Variants in DSTN observed in about 807,000 individuals in gnomAD.
DSTN encodes the protein destrin, actin depolymerizing factor.
A neutral mutation model predicts 16.8 loss-of-function variants in DSTN; 10 were observed. That is an observed-to-expected ratio of 0.60 (90% CI 0.37 to 1.01). The LOEUF is 1.01. Ranked by LOEUF, DSTN falls within the 50% of genes least tolerant of loss-of-function variation. The pLI, the probability that DSTN is intolerant of heterozygous loss-of-function variation, is 0.01. For missense variants in DSTN, 141 were observed against 196.7 expected, an observed-to-expected ratio of 0.72 and a Z score of 1.69; for synonymous variants, 57 against 58.9, an observed-to-expected ratio of 0.97 and a Z score of 0.14.
intron 1 of DSTN, among the ~76,000 whole-genome samples, chr20:17,595,766 ATTG>A (rs1276949831): frequency 2.0e-5 from 3 of 152,134 alleles, no homozygotes; most frequent in African/African-American, 7.2e-5. Context: ...GTCTCATAGA[ATTG>A]TTGTGATTTA....
chr20:17,571,327 C>G (rs2035204472), intron 1 of DSTN, among the ~76,000 whole-genome samples: 1 of 152,234 alleles, frequency 6.6e-6, no homozygotes, highest in South Asian at 2.1e-4. Context: ...TGCATACAAA[C>G]TGTTTTCACT....
intron 1 of DSTN, among the ~76,000 whole-genome samples, chr20:17,575,588 A>C (rs2035269781): frequency 6.6e-6 from 1 of 152,026 alleles, no homozygotes; most frequent in Non-Finnish European, 1.5e-5. Context: ...CAGCCTCCTG[A>C]GTAGCTGGGA....
At chr20:17,601,255 C>A (rs963371803) in intron 2 of DSTN, among the ~76,000 whole-genome samples, 63 of 140,892 alleles carry the variant, frequency 4.5e-4, no homozygotes, top group Middle Eastern at 7.4e-3. Context: ...TTATGTGACT[C>A]TCCGTTTTTG....
At chr20:17,586,062 G>A (rs1006456152) in intron 1 of DSTN, among the ~76,000 whole-genome samples, 11 of 152,174 alleles carry the variant, frequency 7.2e-5, no homozygotes, top group African/African-American at 2.4e-4. Context: ...GGTCGCCCGA[G>A]AGAGGGTCTC....
chr20:17,577,855 T>G (rs1568730426), intron 1 of DSTN, among the ~76,000 whole-genome samples: 1 of 152,228 alleles, frequency 6.6e-6, no homozygotes, highest in Non-Finnish European at 1.5e-5. Flanking sequence ...AAATTTACAT[T>G]TGAAAAAGTA....
intron 1 of DSTN, among the ~76,000 whole-genome samples, chr20:17,583,946 C>A (rs142202131): frequency 2.0e-5 from 3 of 151,744 alleles, no homozygotes; most frequent in Non-Finnish European, 4.4e-5. Flanking sequence ...ACTATTTTGC[C>A]GAGGTTGGTC....
chr20:17,570,535 C>G (rs967160803), intron 1 of DSTN, among the ~76,000 whole-genome samples: 1 of 152,162 alleles, frequency 6.6e-6, no homozygotes, highest in Non-Finnish European at 1.5e-5. Flanking sequence ...CGCCCCCACC[C>G]GCTCTGTGAA....
intron 1 of DSTN, among the ~76,000 whole-genome samples, chr20:17,579,150 C>T (rs917398089): frequency 2.0e-5 from 3 of 152,180 alleles, no homozygotes; most frequent in Admixed American, 1.3e-4. Flanking sequence ...GACTCTGCCA[C>T]TTGCACTAAC....
chr20:17,601,672 C>T (rs2035588668), intron 2 of DSTN, among the ~76,000 whole-genome samples: 1 of 152,196 alleles, frequency 6.6e-6, no homozygotes, highest in Non-Finnish European at 1.5e-5. Flanking sequence ...AGAACATTTC[C>T]ATCATTGCAG....
chr20:17,584,932 A>G (rs965044645), intron 1 of DSTN, among the ~76,000 whole-genome samples: 2 of 152,338 alleles, frequency 1.3e-5, no homozygotes, highest in South Asian at 2.1e-4. Context: ...TGGATATACT[A>G]TCATTTACTT....
At chr20:17,574,844 C>CTTTTCT (rs1742624343) in intron 1 of DSTN, among the ~76,000 whole-genome samples, 4 of 79,704 alleles carry the variant, frequency 5.0e-5, no homozygotes, top group Admixed American at 1.2e-4. Flanking sequence ...TTTTTTCTTT[C>CTTTTCT]TTTTCTTTTT....
At chr20:17,576,160 A>G (rs1431204434) in intron 1 of DSTN, 2 of 152,348 alleles carry the variant, frequency 1.3e-5, no homozygotes, top group East Asian at 3.8e-4. Flanking sequence ...ACCCCCATTG[A>G]GTTGAATATT....
intron 1 of DSTN, among the ~76,000 whole-genome samples, chr20:17,571,420 G>A (rs1484335277): frequency 6.6e-6 from 1 of 152,206 alleles, no homozygotes; most frequent in Non-Finnish European, 1.5e-5. Context: ...AGATAAACCG[G>A]TAGTTTCTTG....
chr20:17,570,494 C>T (rs1051323676), intron 1 of DSTN, among the ~76,000 whole-genome samples: 1 of 152,212 alleles, frequency 6.6e-6, no homozygotes, highest in African/African-American at 2.4e-5. Context: ...TGTCTCCAGA[C>T]CCGGCCTTGC....
intron 1 of DSTN, among the ~76,000 whole-genome samples, chr20:17,582,806 T>G (rs1012774485): frequency 1.3e-5 from 2 of 152,176 alleles, no homozygotes; most frequent in Non-Finnish European, 2.9e-5. Context: ...TTGTTGGTAG[T>G]TTTCCTGGCC....
chr20:17,576,922 G>A (rs2035285339), intron 1 of DSTN, among the ~76,000 whole-genome samples: 1 of 152,146 alleles, frequency 6.6e-6, no homozygotes, highest in Admixed American at 6.6e-5. Context: ...ATGTACAGGT[G>A]GAGCATCCCT....
chr20:17,589,303 C>T (rs2035445493), intron 1 of DSTN, among the ~76,000 whole-genome samples: 1 of 151,994 alleles, frequency 6.6e-6, no homozygotes, highest in East Asian at 1.9e-4. Flanking sequence ...CTTCGCCTCC[C>T]AGGTTCAAGT....
intron 3 of DSTN, among the ~76,000 whole-genome samples, chr20:17,605,978 C>T (rs1246778269): frequency 6.6e-6 from 1 of 152,056 alleles, no homozygotes; most frequent in African/African-American, 2.4e-5. Context: ...CGTGGTGGCA[C>T]ATGCCTGTAA....
In DSTN at chr20:17,600,957, C is replaced by T. The variant is rs759421994; in HGVS notation, c.223C>T (p.Leu75Phe). 2 of 1,613,968 alleles carry T rather than the reference C, an allele frequency of 1.2e-6. No homozygotes were observed. Among genetic ancestry groups the T allele is most frequent in the South Asian group, 2.2e-5 (2 of 91,056 alleles). ...TCCTTTCAAGCATTTTGTGGGAATG[C>T]TTCCTGAAAAAGATTGTCGCTATGC... The part of the protein sequence containing the change: ...TDPFKHFVGM[L>F]PEKDCRYALY... Residue 75 changes from leucine (L) to phenylalanine (F), a missense_variant, in exon 2 of 4, where the codon CTT (leucine) becomes TTT (phenylalanine). Leu to Phe is a conservative substitution (Grantham distance 22). Transcript: ENST00000246069.
Sources: allele counts gnomAD v4.1 joint callset (sites outside exome capture counted in the v4.1 genomes callset), GRCh38; gene constraint gnomAD v4.1.1; transcripts MANE v1.5; gene names NCBI Gene and HGNC (gene_info 2026-07-23, HGNC 2026-07-21).